CAST: variants seen among roughly 807,000 people sequenced by gnomAD.
CAST encodes MIR583 host.
Under a neutral mutation model 119.6 loss-of-function variants are expected in CAST, and 76 were observed. That is an observed-to-expected ratio of 0.64 (90% CI 0.53 to 0.77). CAST has a LOEUF of 0.77. Ranked by LOEUF, CAST falls within the 30% of genes least tolerant of loss-of-function variation. CAST has a pLI of 0.00. For synonymous variants in CAST, 319 were observed against 331.6 expected, an observed-to-expected ratio of 0.96 and a Z score of 0.41; for missense variants, 953 against 946.5, an observed-to-expected ratio of 1.01 and a Z score of -0.09.
chr5:96,077,942 C>G, the CAST span, among the ~76,000 whole-genome samples: 1 of 152,312 alleles, frequency 6.6e-6, no homozygotes. Context: ...GCTGGATTAC[C>G]TATGCTATAG....
At chr5:96,578,406 A>C (rs1746713878) in intron 1 of CAST, among the ~76,000 whole-genome samples, 1 of 150,426 alleles carries the variant, frequency 6.6e-6, no homozygotes, top group Admixed American at 6.6e-5. Flanking sequence ...ATACAATCTC[A>C]CCTTTTGATT....
chr5:96,540,641 A>G (rs928424205), intron 1 of CAST, among the ~76,000 whole-genome samples: 4 of 152,210 alleles, frequency 2.6e-5, no homozygotes, highest in Non-Finnish European at 5.9e-5. Context: ...TTTAGTTTTT[A>G]CTTAATGTTC....
At chr5:96,258,084 A>G in the CAST span, among the ~76,000 whole-genome samples, 21 of 152,180 alleles carry the variant, frequency 1.4e-4, no homozygotes, top group Admixed American at 6.5e-5. Context: ...TTTTGAAAAA[A>G]AAAGAAAAAG....
intron 1 of CAST, among the ~76,000 whole-genome samples, chr5:96,581,790 C>T (rs1244852903): frequency 6.6e-6 from 1 of 152,216 alleles, no homozygotes; most frequent in East Asian, 1.9e-4. Flanking sequence ...ACTCAGGAGG[C>T]TGAGGCAGGA....
At chr5:96,406,348 A>G in the CAST span, among the ~76,000 whole-genome samples, 1 of 152,176 alleles carries the variant, frequency 6.6e-6, no homozygotes, top group African/African-American at 2.4e-5. Flanking sequence ...GCTTGTGTTC[A>G]TAGATTTTTG....
chr5:96,068,593 A>G, the CAST span, among the ~76,000 whole-genome samples: 9 of 142,182 alleles, frequency 6.3e-5, no homozygotes, highest in African/African-American at 1.0e-4. Context: ...CAATAGGATT[A>G]TGTGTGTGTG....
intron 4 of CAST, among the ~76,000 whole-genome samples, chr5:96,724,223 C>T (rs1274468393): frequency 6.6e-6 from 1 of 151,718 alleles, no homozygotes; most frequent in Non-Finnish European, 1.5e-5. Flanking sequence ...GCTCTGTCTT[C>T]CAGGCTGGAT....
chr5:96,688,204 G>A (rs1752297256), intron 2 of CAST, among the ~76,000 whole-genome samples: 1 of 152,108 alleles, frequency 6.6e-6, no homozygotes, highest in Admixed American at 6.5e-5. Context: ...TTGAGAAAAT[G>A]TTTGGTCTTG....
the CAST span, among the ~76,000 whole-genome samples, chr5:96,222,143 AAC>A: frequency 2.8e-4 from 43 of 152,278 alleles, no homozygotes; most frequent in Non-Finnish European, 4.9e-4. Context: ...TAGGACATGA[AAC>A]TATAAAACTA....
At chr5:96,080,718 G>A in the CAST span, among the ~76,000 whole-genome samples, 1 of 152,162 alleles carries the variant, frequency 6.6e-6, no homozygotes, top group East Asian at 1.9e-4. Context: ...TCATCTAACT[G>A]TGACTTTGCA....
the CAST span, among the ~76,000 whole-genome samples, chr5:96,209,177 A>AT: frequency 2.0e-5 from 3 of 151,540 alleles, no homozygotes; most frequent in Admixed American, 1.3e-4. Flanking sequence ...TGCTTGGTAG[A>AT]TTTTTTTCCA....
chr5:96,001,462 C>T, the CAST span, among the ~76,000 whole-genome samples: 1 of 152,148 alleles, frequency 6.6e-6, no homozygotes, highest in Non-Finnish European at 1.5e-5. Flanking sequence ...GAATTTCAGC[C>T]TGCTAGCTAC....
the CAST span, among the ~76,000 whole-genome samples, chr5:96,038,879 A>C: frequency 2.0e-5 from 3 of 152,190 alleles, no homozygotes; most frequent in African/African-American, 7.2e-5. Context: ...TCCTTTGGGT[A>C]TATGCCCAGT....
the CAST span, among the ~76,000 whole-genome samples, chr5:96,062,581 A>G: frequency 6.6e-6 from 1 of 152,082 alleles, no homozygotes; most frequent in Admixed American, 6.6e-5. Context: ...GTCCTATGAA[A>G]CTTTAAGCTG....
Position 96,765,280 on chromosome 5 carries a change from G to C in CAST, c.1992G>C (p.Arg664Ser). The C allele has an allele frequency of 6.3e-7, 1 of 1,585,398 alleles. No homozygotes were observed. The highest frequency in any genetic ancestry group is 8.6e-7 in the Non-Finnish European group (1 of 1,166,660). Residue 664 changes from arginine (R) to serine (S), a missense_variant, in exon 26 of 32, where the codon AGG becomes AGC. Coordinates refer to ENST00000675179, the MANE Select transcript of CAST (RefSeq NM_001750.7). ...LDKLSDSLGQ[R>S]QPDPDENKPM... ...AACTCTCTGACAGTCTAGGACAAAG[G>C]CAGCCTGACCCAGATGAGAACAAAC...
chr5:96,347,495 A>G, the CAST span, among the ~76,000 whole-genome samples: 1 of 152,164 alleles, frequency 6.6e-6, no homozygotes, highest in African/African-American at 2.4e-5. Context: ...TTTTGTTTGT[A>G]CTAGCATACC....
At chr5:96,107,217 A>G in the CAST span, among the ~76,000 whole-genome samples, 2 of 151,928 alleles carry the variant, frequency 1.3e-5, no homozygotes, top group Non-Finnish European at 2.9e-5. Flanking sequence ...CATTTTGTCC[A>G]TTTACATTTA....
intron 28 of CAST, among the ~76,000 whole-genome samples, chr5:96,767,688 G>GA (rs1770490807): frequency 6.6e-6 from 1 of 152,148 alleles, no homozygotes; most frequent in Admixed American, 6.6e-5. Flanking sequence ...GAGGCTCAGA[G>GA]AATGCTAAGC....
At chr5:96,722,598 T>C in intron 3 of CAST, 41 bp from the exon 4 acceptor site, 1 of 1,447,068 alleles carries the variant, frequency 6.9e-7, no homozygotes, top group East Asian at 2.3e-5. Context: ...GATTGTAGGT[T>C]AAATAGAATC....
Sources: allele counts gnomAD v4.1 joint callset (sites outside exome capture counted in the v4.1 genomes callset), GRCh38; gene constraint gnomAD v4.1.1; transcripts MANE v1.5; gene names NCBI Gene and HGNC (gene_info 2026-07-23, HGNC 2026-07-21).